CLCN4: variants seen among roughly 807,000 people sequenced by gnomAD.
CLCN4 encodes H(+)/Cl(-) exchange transporter 4.
In CLCN4, 1 loss-of-function variant was observed where a neutral mutation model predicts 41.7. The observed-to-expected ratio is 0.02, with a 90% confidence interval of 0.01 to 0.11. The LOEUF (loss-of-function observed/expected upper bound fraction) is 0.11, where lower values mean the gene tolerates loss of function less well. Among genes scored for constraint, CLCN4 ranks in the 10% least tolerant of loss-of-function variants. CLCN4 has a pLI of 1.00. For missense variants in CLCN4, 287 were observed against 661.0 expected, an observed-to-expected ratio of 0.43 and a Z score of 6.20; for synonymous variants, 277 against 285.8, an observed-to-expected ratio of 0.97 and a Z score of 0.31.
At chrX:10,166,220 T>C (rs1923246267) in intron 2 of CLCN4, among the ~76,000 whole-genome samples, 1 of 111,836 alleles carries the variant, frequency 8.9e-6, no homozygotes, top group Non-Finnish European at 1.9e-5. Context: ...AGACGTGACC[T>C]TATTTGGAGA....
At position 10,158,503 on chromosome X, in the gene CLCN4, C is replaced by T. The variant is rs1923011417; in HGVS notation, c.-60C>T. 1 of 297,657 alleles carries T rather than the reference C, an allele frequency of 3.4e-6. No individual in the cohort carries two copies. The highest frequency in any genetic ancestry group is 5.9e-6 in the Non-Finnish European group (1 of 169,999). 24.5% of individuals were successfully genotyped at this position (297,657 alleles called of 1,213,427 possible). ...GCCGTCGCGCTGAAGAAAGGATGCT[C>T]GAGGATGCTGTCCAGGTGGGCGGCC... On this transcript the variant is annotated 5_prime_UTR_variant, in exon 2 of 13. Coordinates refer to ENST00000380833, the MANE Select transcript of CLCN4 (RefSeq NM_001830.4).
chrX:10,203,445 G>A (rs1924293784), intron 6 of CLCN4, among the ~76,000 whole-genome samples: 1 of 111,359 alleles, frequency 9.0e-6, no homozygotes, highest in Non-Finnish European at 1.9e-5. Context: ...CCTTGCACAT[G>A]TTCTGTAGGA....
rs760315418 is a variant in CLCN4 at position 10,191,692 on chromosome X, A to ATTT, written c.245-3193_245-3191dup. 5.1e-3 allele frequency among the ~76,000 whole-genome samples: 256 copies of ATTT among 49,756 alleles called. 28 individuals carry two copies. Among genetic ancestry groups the ATTT allele is most frequent in the South Asian group, 0.011 (6 of 524 alleles). The allele number at this position is 49,756 out of a possible 115,157, so 43.2% of individuals were successfully genotyped here. A position where few individuals can be genotyped will look rare whatever the true frequency, so the allele number is the denominator to read the frequency against. ...AGGCGCGTGCCACCATATCTGGTTAATTTTTTTTTTTTTTTTTTTTTTTTT... is the reference window on the plus strand; with the variant it reads ...AGGCGCGTGCCACCATATCTGGTTAATTTTTTTTTTTTTTTTTTTTTTTTTTTT... On this transcript the variant is annotated intron_variant, in intron 4 of 12. Transcript: ENST00000380833.
At chrX:10,220,946 T>TCCACATTCTTCAGGGCTGA in intron 12 of CLCN4, 69 bp downstream of exon 12, 1 of 932,391 alleles carries the variant, frequency 1.1e-6, no homozygotes, top group Non-Finnish European at 1.5e-6. Flanking sequence ...GTCTCAGCCC[T>TCCACATTCTTCAGGGCTGA]GAAGAATGTG....
At chrX:10,230,253 G>A (rs889581982) in intron 12 of CLCN4, among the ~76,000 whole-genome samples, 1 of 111,252 alleles carries the variant, frequency 9.0e-6, no homozygotes, top group South Asian at 3.8e-4. Flanking sequence ...TCTTATGTGG[G>A]CCTCTGGCTC....
chrX:10,198,467 T>G (rs1436134768), intron 6 of CLCN4, among the ~76,000 whole-genome samples: 2 of 112,555 alleles, frequency 1.8e-5, no homozygotes, highest in African/African-American at 6.5e-5. Flanking sequence ...GCATCTGTGA[T>G]GTAATGTGAG....
At chrX:10,226,585 G>A (rs775088834) in intron 12 of CLCN4, among the ~76,000 whole-genome samples, 4 of 110,630 alleles carry the variant, frequency 3.6e-5, no homozygotes, top group African/African-American at 9.8e-5. Context: ...AAAACCCTTC[G>A]AAAAATCAAC....
Position 10,217,271 on chromosome X carries a change from T to C in CLCN4, c.1975+3192T>C, listed in dbSNP as rs762584971. Among the ~76,000 whole-genome samples the C allele has an allele frequency of 2.7e-5, 3 of 109,979 alleles. No homozygotes were observed. The South Asian group carries it at 1.2e-3, about 44-fold the overall frequency. On this transcript the variant is annotated intron_variant, in intron 11 of 12. Coordinates refer to ENST00000380833, the MANE Select transcript of CLCN4 (RefSeq NM_001830.4). ...TTGCACCACCATGCCTGGCTAAGCA[T>C]TTTTAATTAACAGGATGATAGACTA... is the stretch of plus-strand genomic sequence containing the variant.
intron 4 of CLCN4, among the ~76,000 whole-genome samples, chrX:10,191,521 A>C (rs1336449297): frequency 9.0e-6 from 1 of 110,818 alleles, no homozygotes; most frequent in Non-Finnish European, 1.9e-5. Flanking sequence ...GTTTGTGTGC[A>C]TGGATGTTTT....
chrX:10,198,141 C>T (rs1924146435), intron 6 of CLCN4, 80 bp downstream of exon 6: 2 of 993,025 alleles, frequency 2.0e-6, no homozygotes, highest in African/African-American at 3.8e-5. Flanking sequence ...AAGCACAGTT[C>T]CAAGCGTTTT....
At position 10,194,970 on chromosome X, in the gene CLCN4, G is replaced by A. The variant is rs760253224; in HGVS notation, c.304G>A (p.Val102Ile). 8.3e-7 allele frequency: 1 copy of A among 1,211,149 alleles called. No homozygotes were observed. The highest frequency in any genetic ancestry group is 1.1e-6 in the Non-Finnish European group (1 of 895,141). ...VDWMTDLKEG[V>I]CLSAFWYSHE... is the part of the protein sequence containing the mutation. ...CTGGATGACGGACCTGAAGGAGGGG[G>A]TCTGCCTGTCTGCCTTCTGGTATAG... The change falls in exon 5 of 13, where the codon GTC becomes ATC. Residue 102 changes from valine to isoleucine, a missense_variant. Coordinates refer to ENST00000380833, the MANE Select transcript of CLCN4 (RefSeq NM_001830.4).
rs1923012189 is a variant in CLCN4 at position 10,158,520 on chromosome X, T to G, written c.-43T>G. On this transcript the variant is annotated 5_prime_UTR_variant, in exon 2 of 13. Coordinates refer to ENST00000380833, the MANE Select transcript of CLCN4 (RefSeq NM_001830.4). ...AGGATGCTCGAGGATGCTGTCCAGGTGGGCGGCCGCGGGCGCGATGCGGCA... is the reference window on the plus strand; with the variant it reads ...AGGATGCTCGAGGATGCTGTCCAGGGGGGCGGCCGCGGGCGCGATGCGGCA... 1 of 297,094 alleles carries G rather than the reference T, an allele frequency of 3.4e-6. No homozygotes were observed. Among genetic ancestry groups the G allele is most frequent in the South Asian group, 2.0e-4 (1 of 5,097 alleles). 24.5% of individuals were successfully genotyped at this position (297,094 alleles called of 1,213,427 possible).
chrX:10,221,918 C>T (rs1416647974), intron 12 of CLCN4, among the ~76,000 whole-genome samples: 1 of 111,750 alleles, frequency 8.9e-6, no homozygotes, highest in African/African-American at 3.3e-5. Context: ...GGGGGCCGGG[C>T]ATGTGCATTT....
Position 10,208,140 on chromosome X carries a change from T to C in CLCN4, c.939T>C (p.Asn313=). Residue 313 remains asparagine (N), a synonymous_variant, in exon 9 of 13, where the codon AAT becomes AAC. Coordinates refer to ENST00000380833, the MANE Select transcript of CLCN4 (RefSeq NM_001830.4). ...FTLRSINPFG[N]SRLVLFYVEY... Reference sequence around the variant, plus strand: ...TGAGATCCATCAATCCCTTTGGGAATAGCCGTCTCGTTCTCTTTTATGTGG... The same window carrying C: ...TGAGATCCATCAATCCCTTTGGGAACAGCCGTCTCGTTCTCTTTTATGTGG... 8.3e-7 allele frequency: 1 copy of C among 1,211,721 alleles called. No homozygotes were observed. The highest frequency in any genetic ancestry group is 1.1e-6 in the Non-Finnish European group (1 of 895,411).
intron 5 of CLCN4, among the ~76,000 whole-genome samples, chrX:10,197,732 A>T (rs774466871): frequency 9.0e-6 from 1 of 111,567 alleles, no homozygotes; most frequent in African/African-American, 3.3e-5. Context: ...CCAGAGAAAC[A>T]CCCGCTGCTC....
chrX:10,166,625 GCTTATCTGTAA>G (rs1458687068), intron 2 of CLCN4, among the ~76,000 whole-genome samples: 1 of 111,976 alleles, frequency 8.9e-6, no homozygotes, highest in East Asian at 2.8e-4. Context: ...GCCGCAGTTT[GCTTATCTGTAA>G]CTTATCTGTA....
At position 10,185,191 on chromosome X, in the gene CLCN4, G is replaced by A. The variant is rs780977262; in HGVS notation, c.144+15G>A. On this transcript the variant is annotated intron_variant, in intron 3 of 12. Transcript: ENST00000380833. Reference sequence around the variant, plus strand: ...GACACAGGAAGGTAGGTGGCATTCCGAAAGGACACACTGCAAATGGCTAAG... The same window carrying A: ...GACACAGGAAGGTAGGTGGCATTCCAAAAGGACACACTGCAAATGGCTAAG... 8 of 1,187,204 alleles carry A rather than the reference G, an allele frequency of 6.7e-6. No individual in the cohort carries two copies. The highest frequency in any genetic ancestry group is 6.0e-5 in the East Asian group (2 of 33,361).
At position 10,237,603 on chromosome X, in the gene CLCN4, T is replaced by G. The variant is rs1925282859; in HGVS notation, c.*4019T>G. The G allele has an allele frequency of 8.9e-6, 1 of 111,832 alleles. No individual in the cohort carries two copies. 9.2% of individuals were successfully genotyped at this position (111,832 alleles called of 1,213,427 possible). ...CGTTGACACCTTATTAAATATTAAA[T>G]GTCTGAACTCTATTTTTAAAAATAA... On this transcript the variant is annotated 3_prime_UTR_variant, in exon 13 of 13. Coordinates refer to ENST00000380833, the MANE Select transcript of CLCN4 (RefSeq NM_001830.4).
In CLCN4 at chrX:10,237,442, A is replaced by G. The variant is rs1254712318; in HGVS notation, c.*3858A>G. 1.8e-5 allele frequency: 2 copies of G among 111,678 alleles called. No homozygotes were observed. Among genetic ancestry groups the G allele is most frequent in the Non-Finnish European group, 1.9e-5 (1 of 53,196 alleles). 9.2% of individuals were successfully genotyped at this position (111,678 alleles called of 1,213,427 possible). A position where few individuals can be genotyped will look rare whatever the true frequency, so the allele number is the denominator to read the frequency against. ...AGACCCTATTTTCACTGGCGCGGTAATAACTATTTATTTGCTATCCTAGAG... is the reference window on the plus strand; with the variant it reads ...AGACCCTATTTTCACTGGCGCGGTAGTAACTATTTATTTGCTATCCTAGAG... On this transcript the variant is annotated 3_prime_UTR_variant, in exon 13 of 13. Coordinates refer to ENST00000380833, the MANE Select transcript of CLCN4 (RefSeq NM_001830.4).
Sources: gnomAD v4.1 joint callset for allele counts (sites outside exome capture counted in the v4.1 genomes callset) on GRCh38, gnomAD v4.1.1 for gene constraint, MANE v1.5 for transcripts, NCBI Gene and HGNC (gene_info 2026-07-23, HGNC 2026-07-21) for gene names.